The following KCNK2 variants were observed in gnomAD, a reference collection of about 807,000 sequenced individuals.
KCNK2 encodes the protein potassium channel subfamily K member 2.
In KCNK2, 21 loss-of-function variants were observed where a neutral mutation model predicts 40.5. The ratio of observed to expected loss-of-function variants is 0.52; its 90% CI spans 0.37 to 0.75. KCNK2 has a LOEUF of 0.75. KCNK2 is among the 30% of genes least tolerant of loss of function. KCNK2 has a pLI of 0.00. For synonymous variants in KCNK2, 191 were observed against 202.2 expected (o/e 0.94, Z 0.47); for missense variants, 399 against 531.6 (o/e 0.75, Z 2.45).
intron 6 of KCNK2, among the ~76,000 whole-genome samples, chr1:215,226,332 T>C (rs947968635): frequency 6.6e-6 from 1 of 152,218 alleles, no homozygotes; most frequent in African/African-American, 2.4e-5. Context: ...TGTTTTGTTT[T>C]GTTTTGTTTT....
intron 4 of KCNK2, 40 bp from the exon 5 acceptor site, chr1:215,171,957 C>T: frequency 6.6e-6 from 8 of 1,215,534 alleles, no homozygotes; most frequent in Non-Finnish European, 9.2e-6. Context: ...CATTTATATA[C>T]ATATATATAT....
At chr1:215,197,019 C>T (rs984372961) in intron 6 of KCNK2, among the ~76,000 whole-genome samples, 1 of 152,064 alleles carries the variant, frequency 6.6e-6, no homozygotes, top group Non-Finnish European at 1.5e-5. Context: ...TATAAATAAA[C>T]TATGTATTAT....
At position 215,177,740 on chromosome 1, in the gene KCNK2, A is replaced by ATATATATATATATTTTT. The variant is rs71167812; in HGVS notation, c.823+5558_823+5559insATATATATATATTTTTT. 1.7e-4 allele frequency among the ~76,000 whole-genome samples: 17 copies of ATATATATATATATTTTT among 101,594 alleles called. 1 individual carries two copies. Among genetic ancestry groups the ATATATATATATATTTTT allele is most frequent in the Admixed American group, 4.7e-4 (4 of 8,442 alleles). 66.6% of individuals were successfully genotyped at this position (101,594 alleles called of 152,430 possible). A position where few individuals can be genotyped will look rare whatever the true frequency, so the allele number is the denominator to read the frequency against. ...TATATGTGTATATATATATATATAT[A>ATATATATATATATTTTT]TTTTTTTTTTTTGTAGCAGTACCAT... On this transcript the variant is annotated intron_variant, in intron 5 of 6. Transcript: ENST00000444842.
At chr1:215,086,123 A>C (rs897110559) in intron 1 of KCNK2, among the ~76,000 whole-genome samples, 1 of 151,706 alleles carries the variant, frequency 6.6e-6, no homozygotes, top group African/African-American at 2.4e-5. Flanking sequence ...TCTTGGTTCG[A>C]CTCCAGTTTT....
At chr1:215,202,186 G>C (rs896790671) in intron 6 of KCNK2, among the ~76,000 whole-genome samples, 3 of 152,178 alleles carry the variant, frequency 2.0e-5, no homozygotes, top group Non-Finnish European at 2.9e-5. Context: ...GAAGCAGGAA[G>C]CGTCACAATG....
At chr1:215,218,107 G>A (rs1353164142) in intron 6 of KCNK2, among the ~76,000 whole-genome samples, 2 of 152,196 alleles carry the variant, frequency 1.3e-5, no homozygotes, top group Non-Finnish European at 2.9e-5. Flanking sequence ...CTTCACTAAG[G>A]CACTAATGGA....
intron 1 of KCNK2, among the ~76,000 whole-genome samples, chr1:215,059,019 G>T (rs901684178): frequency 6.9e-6 from 1 of 144,542 alleles, no homozygotes; most frequent in Non-Finnish European, 1.6e-5. Flanking sequence ...GTGTGTGAGT[G>T]TATGTATGTA....
At chr1:215,026,204 T>C (rs904128053) in intron 1 of KCNK2, among the ~76,000 whole-genome samples, 6 of 152,012 alleles carry the variant, frequency 3.9e-5, no homozygotes, top group African/African-American at 1.4e-4. Flanking sequence ...TGGTTGTTTG[T>C]TTCTTATCAA....
intron 6 of KCNK2, among the ~76,000 whole-genome samples, chr1:215,213,311 T>TA (rs559525780): frequency 1.1e-3 from 162 of 152,236 alleles, no homozygotes; most frequent in South Asian, 1.9e-3. Flanking sequence ...TTAAACTTTA[T>TA]AAAAAAATTC....
chr1:215,024,686 C>A (rs956001937), intron 1 of KCNK2, among the ~76,000 whole-genome samples: 1 of 151,980 alleles, frequency 6.6e-6, no homozygotes, highest in African/African-American at 2.4e-5. Flanking sequence ...TATCAAAGAG[C>A]CCTAAATGAG....
intron 1 of KCNK2, among the ~76,000 whole-genome samples, chr1:215,013,801 C>G (rs1656490061): frequency 6.6e-6 from 1 of 152,096 alleles, no homozygotes; most frequent in Non-Finnish European, 1.5e-5. Flanking sequence ...TCATTTCTTA[C>G]TTCTAGAAGG....
intron 1 of KCNK2, among the ~76,000 whole-genome samples, chr1:215,013,594 G>T (rs185001543): frequency 1.0e-3 from 158 of 152,162 alleles, no homozygotes; most frequent in Middle Eastern, 3.4e-3. Context: ...CTCCTATTTG[G>T]CTATTCTTTG....
chr1:215,120,395 T>G (rs937679012), intron 2 of KCNK2, among the ~76,000 whole-genome samples: 1 of 152,200 alleles, frequency 6.6e-6, no homozygotes, highest in Non-Finnish European at 1.5e-5. Context: ...TTTCTATTGC[T>G]TCCCCATCAC....
intron 5 of KCNK2, among the ~76,000 whole-genome samples, chr1:215,191,826 C>T (rs1417075704): frequency 6.6e-6 from 1 of 152,022 alleles, no homozygotes; most frequent in Non-Finnish European, 1.5e-5. Flanking sequence ...AATATTTCTG[C>T]CAGGTCGGTG....
chr1:215,021,439 A>G (rs1656781642), intron 1 of KCNK2, among the ~76,000 whole-genome samples: 1 of 151,318 alleles, frequency 6.6e-6, no homozygotes, highest in Admixed American at 6.6e-5. Context: ...CCCTTACCCA[A>G]GGTGGGCAGG....
At chr1:215,156,213 T>G (rs1415253637) in intron 3 of KCNK2, among the ~76,000 whole-genome samples, 1 of 152,008 alleles carries the variant, frequency 6.6e-6, no homozygotes, top group Non-Finnish European at 1.5e-5. Context: ...TGATGGGAAT[T>G]TTATTTATTT....
chr1:215,086,805 T>A, intron 2 of KCNK2, 127 bp downstream of exon 2: 1 of 774,118 alleles, frequency 1.3e-6, no homozygotes, highest in Non-Finnish European at 2.1e-6. Context: ...TCATTTGCCT[T>A]AACATATAGC....
At chr1:215,102,488 A>C in intron 2 of KCNK2, among the ~76,000 whole-genome samples, 1 of 152,094 alleles carries the variant, frequency 6.6e-6, no homozygotes, top group East Asian at 1.9e-4. Context: ...AAGTTTGCAA[A>C]ATAAAAAGGT....
At chr1:215,069,194 C>T (rs1056761830) in intron 1 of KCNK2, among the ~76,000 whole-genome samples, 4 of 152,146 alleles carry the variant, frequency 2.6e-5, no homozygotes, top group African/African-American at 9.7e-5. Context: ...TGTGAACACC[C>T]CTACTGTCTC....
Sources: allele counts gnomAD v4.1 joint callset (sites outside exome capture counted in the v4.1 genomes callset), GRCh38; gene constraint gnomAD v4.1.1; transcripts MANE v1.5; gene names NCBI Gene and HGNC (gene_info 2026-07-23, HGNC 2026-07-21).